Variants in HERC4 observed in about 807,000 individuals in gnomAD.
HERC4 encodes the protein probable E3 ubiquitin-protein ligase HERC4.
A neutral mutation model predicts 124.3 loss-of-function variants in HERC4; 28 were observed. The observed-to-expected ratio is 0.23, with a 90% confidence interval of 0.17 to 0.31. HERC4 has a LOEUF of 0.31. HERC4 is among the 10% of genes least tolerant of loss of function. The pLI is 1.00. For missense variants in HERC4, 713 were observed against 1,229.3 expected, an observed-to-expected ratio of 0.58 and a Z score of 6.28; for synonymous variants, 407 against 421.5, an observed-to-expected ratio of 0.97 and a Z score of 0.42.
intron 8 of HERC4, among the ~76,000 whole-genome samples, chr10:68,022,598 A>C (rs924975690): frequency 6.6e-6 from 1 of 152,058 alleles, no homozygotes; most frequent in African/African-American, 2.4e-5. Context: ...AACTCTAAGA[A>C]GCAAACAGGG....
At chr10:68,043,441 T>C (rs1026430998) in intron 4 of HERC4, among the ~76,000 whole-genome samples, 1 of 152,250 alleles carries the variant, frequency 6.6e-6, no homozygotes, top group African/African-American at 2.4e-5. Flanking sequence ...TAATGTATTA[T>C]TTATGTATCT....
At chr10:67,926,371 T>C (rs1232237649) in intron 23 of HERC4, among the ~76,000 whole-genome samples, 2 of 149,078 alleles carry the variant, frequency 1.3e-5, no homozygotes, top group African/African-American at 5.0e-5. Context: ...CACTCCAGCC[T>C]GGTCAACAAG....
At chr10:68,038,309 G>A (rs529251830) in intron 4 of HERC4, 140 bp from the exon 5 acceptor site, 15 of 411,506 alleles carry the variant, frequency 3.6e-5, no homozygotes, top group Admixed American at 9.1e-5. Flanking sequence ...CAATTTTAGC[G>A]TACCAAAAAT....
intron 7 of HERC4, among the ~76,000 whole-genome samples, chr10:68,030,298 G>T (rs759316140): frequency 6.6e-6 from 1 of 151,662 alleles, no homozygotes; most frequent in Non-Finnish European, 1.5e-5. Context: ...AAAAATAGCC[G>T]GGTGTGATCG....
chr10:67,949,706 C>A (rs1564946038), intron 19 of HERC4, among the ~76,000 whole-genome samples: 1 of 152,128 alleles, frequency 6.6e-6, no homozygotes, highest in East Asian at 1.9e-4. Flanking sequence ...ATGAAACAAA[C>A]CACATGGTAA....
chr10:68,052,980 C>T (rs1029203173), intron 3 of HERC4, among the ~76,000 whole-genome samples: 6 of 152,144 alleles, frequency 3.9e-5, no homozygotes, highest in African/African-American at 1.4e-4. Context: ...GTACAATGCA[C>T]GAAGAAACAG....
chr10:68,024,543 A>G (rs902004575), intron 8 of HERC4, among the ~76,000 whole-genome samples: 2 of 152,200 alleles, frequency 1.3e-5, no homozygotes, highest in Non-Finnish European at 2.9e-5. Context: ...TATAAAATTG[A>G]ATAAAAAACA....
At chr10:67,957,670 T>A (rs1469691157) in intron 16 of HERC4, among the ~76,000 whole-genome samples, 1 of 152,204 alleles carries the variant, frequency 6.6e-6, no homozygotes, top group Non-Finnish European at 1.5e-5. Flanking sequence ...ACGACCTACT[T>A]CTACCATCTA....
intron 23 of HERC4, among the ~76,000 whole-genome samples, chr10:67,930,212 T>G (rs140625195): frequency 4.6e-5 from 7 of 152,140 alleles, no homozygotes; most frequent in African/African-American, 1.7e-4. Flanking sequence ...GTTTCCAGTT[T>G]TTCACTCATT....
intron 8 of HERC4, among the ~76,000 whole-genome samples, chr10:68,022,178 T>G (rs2038664516): frequency 6.6e-6 from 1 of 152,096 alleles, no homozygotes; most frequent in African/African-American, 2.4e-5. Flanking sequence ...GAAGACAAAT[T>G]GTTAAGATGT....
Position 67,929,379 on chromosome 10 carries a change from ACCC to A in HERC4, c.2838+3215_2838+3217del, listed in dbSNP as rs879769555. 1.8e-4 allele frequency among the ~76,000 whole-genome samples: 27 copies of A among 152,080 alleles called. No homozygotes were observed. The East Asian group carries it at 4.3e-3, about 24-fold the overall frequency. ...CTCTGAAGTCACACCCTCCCACTCA[ACCC>A]CTTGTCTCTATTCACTATAATTTTT... On this transcript the variant is annotated intron_variant, in intron 23 of 24. Coordinates refer to ENST00000373700, the MANE Select transcript of HERC4 (RefSeq NM_015601.4).
intron 9 of HERC4, 109 bp downstream of exon 9, chr10:68,013,917 C>T (rs1231648197): frequency 8.4e-6 from 8 of 952,636 alleles, no homozygotes; most frequent in African/African-American, 1.6e-5. Context: ...GCTGTTTTCA[C>T]TTAACAATGT....
chr10:67,927,393 T>C (rs1282544991), intron 23 of HERC4, among the ~76,000 whole-genome samples: 1 of 5,848 alleles, frequency 1.7e-4, no homozygotes, highest in African/African-American at 9.5e-4. Context: ...TATATATATA[T>C]ATATATATAT....
chr10:67,984,117 C>T (rs1038195396), intron 15 of HERC4, among the ~76,000 whole-genome samples: 3 of 151,868 alleles, frequency 2.0e-5, no homozygotes, highest in Non-Finnish European at 2.9e-5. Flanking sequence ...GCCTGGCCAA[C>T]GTGGTGAAAC....
chr10:67,939,069 T>A (rs1411734709), intron 21 of HERC4, among the ~76,000 whole-genome samples: 1 of 152,258 alleles, frequency 6.6e-6, no homozygotes, highest in Non-Finnish European at 1.5e-5. Flanking sequence ...TTGTTTTATC[T>A]ACATCATCCA....
chr10:67,947,481 G>A (rs746642750), intron 19 of HERC4, among the ~76,000 whole-genome samples: 4 of 152,154 alleles, frequency 2.6e-5, no homozygotes, highest in Admixed American at 2.0e-4. Flanking sequence ...GAATCAAAGC[G>A]AGGTATAGAC....
intron 19 of HERC4, among the ~76,000 whole-genome samples, chr10:67,951,645 C>G (rs766919475): frequency 7.2e-5 from 11 of 152,180 alleles, no homozygotes; most frequent in Non-Finnish European, 1.5e-4. Flanking sequence ...AATGGTGTCA[C>G]TTTTCAATCC....
At position 67,954,585 on chromosome 10, in the gene HERC4, G is replaced by C. The variant is rs775208137; in HGVS notation, c.2337+10C>G. The C allele has an allele frequency of 6.2e-7, 1 of 1,607,406 alleles. No individual in the cohort carries two copies. Among genetic ancestry groups the C allele is most frequent in the East Asian group, 2.2e-5 (1 of 44,760 alleles). On this transcript the variant is annotated intron_variant, in intron 19 of 24. Transcript: ENST00000373700. ...TACACAGAAGTAATTTAGATGGTTG[G>C]ACATTTTACCTTATCAGAAAACCAA...
At chr10:68,058,520 G>C (rs1368946564) in intron 3 of HERC4, among the ~76,000 whole-genome samples, 1 of 152,056 alleles carries the variant, frequency 6.6e-6, no homozygotes, top group Non-Finnish European at 1.5e-5. Flanking sequence ...TCTAATATTG[G>C]TTTTTCTTCT....
Sources: allele counts gnomAD v4.1 joint callset (sites outside exome capture counted in the v4.1 genomes callset), GRCh38; gene constraint gnomAD v4.1.1; transcripts MANE v1.5; gene names NCBI Gene and HGNC (gene_info 2026-07-23, HGNC 2026-07-21).